NAT1: variants seen among roughly 807,000 people sequenced by gnomAD.
The protein encoded by NAT1 is N-acetyltransferase 1.
For missense variants in NAT1, 400 were observed against 339.2 expected (o/e 1.18, Z -1.41); for synonymous variants, 144 against 122.6 (o/e 1.17, Z -1.16).
intron 2 of NAT1, among the ~76,000 whole-genome samples, chr8:18,188,600 T>A (rs1172288733): frequency 6.6e-6 from 1 of 152,118 alleles, no homozygotes; most frequent in Non-Finnish European, 1.5e-5. Flanking sequence ...TATGTTTGAA[T>A]TTTTCTTTAA....
At chr8:18,175,465 G>C (rs750296323) in intron 2 of NAT1, among the ~76,000 whole-genome samples, 2 of 151,978 alleles carry the variant, frequency 1.3e-5, no homozygotes, top group Non-Finnish European at 2.9e-5. Context: ...AGATTATACA[G>C]TATTTGTTTC....
Position 18,211,135 on chromosome 8 carries a change from C to T in NAT1, c.-86+955C>T, listed in dbSNP as rs1178194768. 15 of 151,604 alleles carry T rather than the reference C, an allele frequency of 9.9e-5. No individual in the cohort carries two copies. In the Admixed American group the frequency reaches 9.9e-4, roughly 10 times the overall value. 9.4% of individuals were successfully genotyped at this position (151,604 alleles called of 1,614,324 possible). On this transcript the variant is annotated intron_variant, in intron 1 of 2. Coordinates refer to ENST00000307719, the MANE Select transcript of NAT1 (RefSeq NM_000662.8). ...TTTTATTATGGCCGAAGGACACTTA[C>T]TGGAGAGGGTCTCCAGGAGGTATGA...
chr8:18,213,825 T>C (rs913091768), intron 1 of NAT1, among the ~76,000 whole-genome samples: 1 of 151,778 alleles, frequency 6.6e-6, no homozygotes, highest in Non-Finnish European at 1.5e-5. Context: ...TTTCTTTTTT[T>C]TTTTTTTTGA....
At chr8:18,219,532 C>A in intron 2 of NAT1, 43 bp downstream of exon 2, 2 of 1,077,586 alleles carry the variant, frequency 1.9e-6, no homozygotes, top group Non-Finnish European at 2.7e-6. Context: ...GCTTCCTAAG[C>A]ACGTTCACTC....
intron 1 of NAT1, among the ~76,000 whole-genome samples, chr8:18,214,141 G>C (rs1804397560): frequency 6.6e-6 from 1 of 152,124 alleles, no homozygotes; most frequent in Non-Finnish European, 1.5e-5. Context: ...CTCCATATAA[G>C]CCAAAATGGC....
At chr8:18,200,240 G>T (rs548516292) in intron 2 of NAT1, among the ~76,000 whole-genome samples, 2 of 152,220 alleles carry the variant, frequency 1.3e-5, no homozygotes, top group South Asian at 2.1e-4. Flanking sequence ...ACACATGCAT[G>T]CACGTGTTCA....
At chr8:18,191,255 T>C (rs1338112842) in intron 2 of NAT1, among the ~76,000 whole-genome samples, 1 of 152,180 alleles carries the variant, frequency 6.6e-6, no homozygotes, top group African/African-American at 2.4e-5. Context: ...TGAATATGTC[T>C]ACAGTATGAG....
intron 2 of NAT1, among the ~76,000 whole-genome samples, chr8:18,193,242 T>C (rs1803089348): frequency 6.7e-6 from 1 of 149,962 alleles, no homozygotes; most frequent in South Asian, 2.1e-4. Flanking sequence ...CACACCTGGC[T>C]AATTTTTAAA....
chr8:18,196,679 A>G (rs747739569), intron 2 of NAT1, among the ~76,000 whole-genome samples: 21 of 152,224 alleles, frequency 1.4e-4, no homozygotes, highest in Non-Finnish European at 1.5e-5. Flanking sequence ...GGAAGGTTAG[A>G]AAGATGACAA....
chr8:18,176,800 T>G (rs1802312787), intron 2 of NAT1, among the ~76,000 whole-genome samples: 1 of 152,014 alleles, frequency 6.6e-6, no homozygotes, highest in South Asian at 2.1e-4. Context: ...TGTAAATCAT[T>G]GCTTTGGGTA....
upstream of NAT1, among the ~76,000 whole-genome samples, chr8:18,206,452 A>G (rs1803723952): frequency 6.6e-6 from 1 of 152,206 alleles, no homozygotes; most frequent in Non-Finnish European, 1.5e-5. Context: ...AATGTGGGAA[A>G]AACTGAATGC....
intron 2 of NAT1, among the ~76,000 whole-genome samples, chr8:18,195,859 G>A (rs934421611): frequency 1.3e-5 from 2 of 151,112 alleles, no homozygotes; most frequent in East Asian, 2.0e-4. Context: ...AGATCTTTTC[G>A]ACCTACCAGT....
At chr8:18,189,462 G>A (rs376957724) in intron 2 of NAT1, among the ~76,000 whole-genome samples, 15 of 152,060 alleles carry the variant, frequency 9.9e-5, no homozygotes, top group African/African-American at 3.4e-4. Context: ...GAAAAAGCAC[G>A]TGTAATAATA....
intron 2 of NAT1, chr8:18,200,895 T>G (rs1005071008): frequency 5.3e-5 from 8 of 152,168 alleles, no homozygotes; most frequent in African/African-American, 1.9e-4. Context: ...GTGAGGGTCT[T>G]CCCTTCAGGG....
upstream of NAT1, among the ~76,000 whole-genome samples, chr8:18,206,688 T>C (rs28741074): frequency 3.4e-3 from 519 of 152,366 alleles, 2 homozygotes; most frequent in Non-Finnish European, 5.8e-3. Context: ...GGTAAACTTG[T>C]TTAAGTTCCT....
rs1351598090 is a variant in NAT1 at position 18,194,770 on chromosome 8, A to T, written n.93-15011A>T. Among the ~76,000 whole-genome samples, 6 of 151,276 alleles carry T rather than the reference A, an allele frequency of 4.0e-5. No homozygotes were observed. The South Asian group carries it at 1.3e-3, about 32-fold the overall frequency. On this transcript the variant is annotated intron_variant and non_coding_transcript_variant, in intron 2 of 4. Coordinates refer to the NAT1 transcript ENST00000517441. ...TGGGGGTGGAGGTTGAAGTAAGTTGAGAGACGCCACTGCACTCCAGCCTGG... is the reference window on the plus strand; with the variant it reads ...TGGGGGTGGAGGTTGAAGTAAGTTGTGAGACGCCACTGCACTCCAGCCTGG...
intron 2 of NAT1, among the ~76,000 whole-genome samples, chr8:18,203,055 A>G (rs1166813538): frequency 6.6e-6 from 1 of 152,148 alleles, no homozygotes; most frequent in Non-Finnish European, 1.5e-5. Flanking sequence ...TGGTGCATTT[A>G]CAATCCTTTA....
intron 2 of NAT1, among the ~76,000 whole-genome samples, chr8:18,171,761 C>G (rs776475997): frequency 1.3e-5 from 2 of 152,158 alleles, no homozygotes; most frequent in South Asian, 4.1e-4. Flanking sequence ...ACATTCTGAG[C>G]TAGAAACGCA....
At chr8:18,183,745 A>T (rs904448798) in intron 2 of NAT1, among the ~76,000 whole-genome samples, 1 of 152,214 alleles carries the variant, frequency 6.6e-6, no homozygotes, top group African/African-American at 2.4e-5. Flanking sequence ...GGACAGGCAC[A>T]GGATAGACAT....
Sources: allele counts gnomAD v4.1 joint callset (sites outside exome capture counted in the v4.1 genomes callset), GRCh38; gene constraint gnomAD v4.1.1; transcripts MANE v1.5; gene names NCBI Gene and HGNC (gene_info 2026-07-23, HGNC 2026-07-21).